Variants in PTPRD observed in about 807,000 individuals in gnomAD.
The protein encoded by PTPRD is receptor-type tyrosine-protein phosphatase delta.
A neutral mutation model predicts 214.5 loss-of-function variants in PTPRD; 34 were observed. That is an observed-to-expected ratio of 0.16 (90% confidence interval 0.12 to 0.21). The LOEUF is 0.21. Among genes scored for constraint, PTPRD ranks in the 10% least tolerant of loss-of-function variants. The probability of loss-of-function intolerance (pLI) is 1.00; values close to 1 mark genes in which losing one functional copy is unlikely to be tolerated. For synonymous variants in PTPRD, 1,128 were observed against 845.7 expected (o/e 1.33, Z -5.79); for missense variants, 2,545 against 2,398.7 (o/e 1.06, Z -1.27).
intron 3 of PTPRD, among the ~76,000 whole-genome samples, chr9:10,060,795 T>C (rs1264822149): frequency 7.9e-6 from 1 of 127,196 alleles, no homozygotes. Flanking sequence ...TTTCTTTCTT[T>C]CTTTCTTCCT....
chr9:8,936,980 T>G (rs1398999677), intron 11 of PTPRD, among the ~76,000 whole-genome samples: 1 of 152,194 alleles, frequency 6.6e-6, no homozygotes, highest in Non-Finnish European at 1.5e-5. Flanking sequence ...TTGGTTTATT[T>G]GTTTTTGGTA....
At chr9:8,551,520 T>G (rs1198424826) in intron 14 of PTPRD, among the ~76,000 whole-genome samples, 10 of 152,182 alleles carry the variant, frequency 6.6e-5, no homozygotes, top group Admixed American at 5.9e-4. Flanking sequence ...AGGCTAATAG[T>G]TCTTAACTTT....
intron 10 of PTPRD, chr9:9,091,304 A>T (rs1418228796): frequency 9.4e-7 from 1 of 1,061,310 alleles, no homozygotes; most frequent in Non-Finnish European, 1.4e-6. Flanking sequence ...TAAAATGGAA[A>T]TTGTACTTTA....
chr9:8,642,171 G>C (rs2096590970), intron 12 of PTPRD, among the ~76,000 whole-genome samples: 1 of 151,278 alleles, frequency 6.6e-6, no homozygotes, highest in African/African-American at 2.5e-5. Context: ...ACTTAAAACA[G>C]ATTCATAGAA....
At chr9:8,408,662 T>C (rs564689909) in intron 35 of PTPRD, among the ~76,000 whole-genome samples, 3 of 152,302 alleles carry the variant, frequency 2.0e-5, no homozygotes, top group African/African-American at 7.2e-5. Flanking sequence ...AAAAAGCCTC[T>C]TGAAAGACAG....
intron 11 of PTPRD, among the ~76,000 whole-genome samples, chr9:8,847,136 G>A (rs1304935680): frequency 1.3e-5 from 2 of 151,650 alleles, no homozygotes; most frequent in African/African-American, 4.8e-5. Flanking sequence ...GATTTTGAAT[G>A]ATAAAATTCA....
chr9:9,279,044 G>A (rs1472941199), intron 9 of PTPRD, among the ~76,000 whole-genome samples: 1 of 150,694 alleles, frequency 6.6e-6, no homozygotes, highest in Non-Finnish European at 1.5e-5. Context: ...AGAGTCAAGG[G>A]GATATATCAT....
At chr9:8,407,426 A>G (rs1332690744) in intron 35 of PTPRD, among the ~76,000 whole-genome samples, 7 of 152,150 alleles carry the variant, frequency 4.6e-5, no homozygotes, top group African/African-American at 7.2e-5. Flanking sequence ...AATTTGGCTA[A>G]GCTCACACAG....
chr9:9,142,052 C>G (rs2099861361), intron 10 of PTPRD, among the ~76,000 whole-genome samples: 1 of 152,208 alleles, frequency 6.6e-6, no homozygotes, highest in African/African-American at 2.4e-5. Flanking sequence ...AAACTGGGTG[C>G]TGATAAAACT....
At chr9:8,413,887 G>A (rs2093703770) in intron 35 of PTPRD, among the ~76,000 whole-genome samples, 1 of 151,950 alleles carries the variant, frequency 6.6e-6, no homozygotes, top group Non-Finnish European at 1.5e-5. Context: ...TGTAAAATTA[G>A]GGACTCTTCT....
At chr9:8,515,342 TATG>T (rs911201128) in intron 21 of PTPRD, among the ~76,000 whole-genome samples, 3 of 152,226 alleles carry the variant, frequency 2.0e-5, no homozygotes, top group Admixed American at 6.5e-5. Context: ...TAGCTACTAT[TATG>T]ATGATTACAT....
intron 21 of PTPRD, among the ~76,000 whole-genome samples, chr9:8,510,046 G>A (rs965160280): frequency 2.0e-5 from 3 of 152,112 alleles, no homozygotes; most frequent in Non-Finnish European, 2.9e-5. Flanking sequence ...CACTTTGGGA[G>A]GCCAAGTTGG....
At chr9:10,070,623 T>A in intron 3 of PTPRD, among the ~76,000 whole-genome samples, 1 of 152,152 alleles carries the variant, frequency 6.6e-6, no homozygotes, top group South Asian at 2.1e-4. Flanking sequence ...ACTATATACT[T>A]CTTTGATTAC....
intron 31 of PTPRD, among the ~76,000 whole-genome samples, chr9:8,469,707 T>C (rs536694572): frequency 6.6e-6 from 1 of 152,114 alleles, no homozygotes; most frequent in East Asian, 1.9e-4. Context: ...AATTACTTGA[T>C]GACATTATTG....
intron 35 of PTPRD, among the ~76,000 whole-genome samples, chr9:8,427,732 G>C (rs1327032507): frequency 6.6e-6 from 1 of 151,612 alleles, no homozygotes; most frequent in Non-Finnish European, 1.5e-5. Context: ...TAAGGGTTTG[G>C]CCTGGGATAG....
chr9:8,462,420 T>C (rs1339442637), intron 32 of PTPRD, among the ~76,000 whole-genome samples: 2 of 152,066 alleles, frequency 1.3e-5, no homozygotes, highest in African/African-American at 4.8e-5. Context: ...CCACTGCTGC[T>C]AGAGGTATCA....
At chr9:9,280,726 T>C (rs999181087) in intron 9 of PTPRD, among the ~76,000 whole-genome samples, 8 of 151,486 alleles carry the variant, frequency 5.3e-5, no homozygotes, top group African/African-American at 9.6e-5. Context: ...ATAGACTTAA[T>C]ACAATCCTAA....
At chr9:9,438,214 G>T (rs1291302998) in intron 8 of PTPRD, among the ~76,000 whole-genome samples, 7 of 152,090 alleles carry the variant, frequency 4.6e-5, no homozygotes, top group Admixed American at 2.0e-4. Flanking sequence ...TTAAAAGTTA[G>T]GATTACAACA....
chr9:10,170,330 T>G (rs893485060), intron 3 of PTPRD, among the ~76,000 whole-genome samples: 3 of 152,192 alleles, frequency 2.0e-5, no homozygotes, highest in African/African-American at 7.2e-5. Context: ...GAGAAAGCTT[T>G]TTATATTAGA....
Sources: gnomAD v4.1 joint callset for allele counts (sites outside exome capture counted in the v4.1 genomes callset) on GRCh38, gnomAD v4.1.1 for gene constraint, MANE v1.5 for transcripts, NCBI Gene and HGNC (gene_info 2026-07-23, HGNC 2026-07-21) for gene names.